The following GABRG3 variants were observed in gnomAD, a reference collection of about 807,000 sequenced individuals.
GABRG3 encodes gamma-aminobutyric acid receptor subunit gamma-3.
A neutral mutation model predicts 48.8 loss-of-function variants in GABRG3; 25 were observed. The ratio of observed to expected loss-of-function variants is 0.51; its 90% confidence interval spans 0.37 to 0.72. The LOEUF is 0.72. Among genes scored for constraint, GABRG3 ranks in the 30% least tolerant of loss-of-function variants. The pLI is 0.00. For synonymous variants in GABRG3, 227 were observed against 217.6 expected (o/e 1.04, Z -0.38); for missense variants, 394 against 577.9 (o/e 0.68, Z 3.26).
intron 5 of GABRG3, among the ~76,000 whole-genome samples, chr15:27,467,003 C>T (rs1889632832): frequency 1.3e-5 from 2 of 152,164 alleles, no homozygotes; most frequent in South Asian, 2.1e-4. Flanking sequence ...CACTGCTGTG[C>T]ATTTAATATA....
intron 3 of GABRG3, among the ~76,000 whole-genome samples, chr15:27,067,594 G>T (rs1896759134): frequency 6.6e-6 from 1 of 152,192 alleles, no homozygotes; most frequent in Non-Finnish European, 1.5e-5. Flanking sequence ...GCTGCCTCCA[G>T]CTGAGACCGC....
intron 3 of GABRG3, among the ~76,000 whole-genome samples, chr15:27,186,691 A>C (rs1188212195): frequency 6.6e-6 from 1 of 152,102 alleles, no homozygotes; most frequent in Non-Finnish European, 1.5e-5. Flanking sequence ...GTTTTAACAA[A>C]AGCCATTCTG....
rs140670 is a variant in GABRG3, at chr15:26,976,868, T to A, written c.54-134T>A. The stretch of plus-strand genomic sequence containing the variant: ...TTCTTTTTAGAAAATATTTTCGGGT[T>A]TTCACGTGTGTGGTTGGGCTGTGGG... On this transcript the variant is annotated intron_variant, in intron 1 of 9. Transcript: ENST00000615808. This position sits in a 1 kb window ranked among gnomAD's most constrained non-coding sequence, Gnocchi z 7.8. 99,884 of 775,058 alleles carry A rather than the reference T, an allele frequency of 0.13. 7,701 individuals carry two copies. The highest frequency in any genetic ancestry group is 0.31 in the East Asian group (11,690 of 37,772). The allele number at this position is 775,058 out of a possible 1,614,324, so 48.0% of individuals were successfully genotyped here.
intron 5 of GABRG3, among the ~76,000 whole-genome samples, chr15:27,346,088 AAG>A (rs1296479804): frequency 0.041 from 1,641 of 39,734 alleles, 199 homozygotes; most frequent in African/African-American, 0.12. Context: ...AAGAGAGAGA[AAG>A]AAAGAAAGGA....
chr15:27,423,820 G>C (rs1888208133), intron 5 of GABRG3, among the ~76,000 whole-genome samples: 1 of 141,650 alleles, frequency 7.1e-6, no homozygotes, highest in Admixed American at 7.6e-5. Flanking sequence ...CTCCCACCTG[G>C]TCCCCCAAAG....
chr15:27,041,912 G>A (rs1013201146), intron 3 of GABRG3, among the ~76,000 whole-genome samples: 1 of 152,172 alleles, frequency 6.6e-6, no homozygotes, highest in African/African-American at 2.4e-5. Flanking sequence ...TGGTACTTGA[G>A]GTGGGGGATG....
intron 3 of GABRG3, among the ~76,000 whole-genome samples, chr15:27,317,091 C>A (rs904878571): frequency 6.6e-6 from 1 of 151,816 alleles, no homozygotes; most frequent in Admixed American, 6.6e-5. Flanking sequence ...CCTTTGGACC[C>A]CCTCACCATC....
At chr15:26,987,381 T>G (rs2116526) in intron 2 of GABRG3, among the ~76,000 whole-genome samples, 70,909 of 152,120 alleles carry the variant, frequency 0.47, 17,315 homozygotes, top group Middle Eastern at 0.59. Context: ...TCAGTTCAGC[T>G]GTCTGCATTT....
intron 2 of GABRG3, among the ~76,000 whole-genome samples, chr15:26,999,865 C>CT (rs1422404658): frequency 1.3e-5 from 2 of 151,852 alleles, no homozygotes; most frequent in Non-Finnish European, 2.9e-5. Context: ...GTTCACTATT[C>CT]TTTTCTACTG....
chr15:27,501,058 T>C (rs1484751100), intron 6 of GABRG3, among the ~76,000 whole-genome samples: 1 of 149,910 alleles, frequency 6.7e-6, no homozygotes, highest in Non-Finnish European at 1.5e-5. Flanking sequence ...TTCACACCAT[T>C]CTCCTGCCTC....
chr15:27,028,941 G>A (rs1272406722), intron 3 of GABRG3, among the ~76,000 whole-genome samples: 2 of 152,128 alleles, frequency 1.3e-5, no homozygotes, highest in Non-Finnish European at 2.9e-5. Flanking sequence ...TTCCCTGTGG[G>A]GTGAGAAACG....
intron 5 of GABRG3, among the ~76,000 whole-genome samples, chr15:27,341,531 T>C (rs1483804428): frequency 6.6e-6 from 1 of 152,104 alleles, no homozygotes; most frequent in Non-Finnish European, 1.5e-5. Flanking sequence ...CAGCCCATCA[T>C]CCCGTTTCAT....
intron 3 of GABRG3, among the ~76,000 whole-genome samples, chr15:27,144,721 A>G (rs1379920267): frequency 6.6e-6 from 1 of 152,226 alleles, no homozygotes; most frequent in East Asian, 1.9e-4. Flanking sequence ...AAAATACCTA[A>G]GAAGGCCCTG....
At chr15:27,272,297 A>G (rs937569369) in intron 3 of GABRG3, among the ~76,000 whole-genome samples, 1 of 152,230 alleles carries the variant, frequency 6.6e-6, no homozygotes, top group African/African-American at 2.4e-5. Context: ...TTGGGCACCC[A>G]GAGTATTTAG....
intron 5 of GABRG3, among the ~76,000 whole-genome samples, chr15:27,394,575 C>T (rs1831653403): frequency 6.6e-6 from 1 of 152,164 alleles, no homozygotes; most frequent in African/African-American, 2.4e-5. Flanking sequence ...TCTGATTACT[C>T]TGTCTATCCA....
chr15:27,212,022 T>C (rs1889096796), intron 3 of GABRG3, among the ~76,000 whole-genome samples: 1 of 152,176 alleles, frequency 6.6e-6, no homozygotes, highest in African/African-American at 2.4e-5. Context: ...ATCCCTTCAG[T>C]GTTGGCTCTG....
At position 27,180,701 on chromosome 15, in the gene GABRG3, T is replaced by C. The variant is rs937054722; in HGVS notation, c.271-146108T>C. Among the ~76,000 whole-genome samples, 1 of 152,154 alleles carries C rather than the reference T, an allele frequency of 6.6e-6. No individual in the cohort carries two copies. The highest frequency in any genetic ancestry group is 1.5e-5 in the Non-Finnish European group (1 of 68,026). On this transcript the variant is annotated intron_variant, in intron 3 of 9. Coordinates refer to ENST00000615808, the MANE Select transcript of GABRG3 (RefSeq NM_033223.5). The surrounding 1 kb of genome is among the most constrained non-coding windows in gnomAD (Gnocchi z 4.2). ...CACCCCAGGTCAGTTCTAGCAATAA[T>C]TGAAAAACAGAAACCTATTTTCTTT...
At chr15:27,515,676 A>G (rs1891002136) in intron 6 of GABRG3, among the ~76,000 whole-genome samples, 1 of 152,200 alleles carries the variant, frequency 6.6e-6, no homozygotes, top group African/African-American at 2.4e-5. Flanking sequence ...GGAGACTCAA[A>G]GGATGTTTTT....
At chr15:27,075,707 G>C (rs1481825964) in intron 3 of GABRG3, among the ~76,000 whole-genome samples, 1 of 152,168 alleles carries the variant, frequency 6.6e-6, no homozygotes, top group African/African-American at 2.4e-5. Context: ...TATGAGCTTT[G>C]CACTTCAGAG....
Sources: gnomAD v4.1 joint callset for allele counts (sites outside exome capture counted in the v4.1 genomes callset) on GRCh38, gnomAD v4.1.1 for gene constraint, Gnocchi (gnomAD v3.1) non-coding constraint, MANE v1.5 for transcripts, NCBI Gene and HGNC (gene_info 2026-07-23, HGNC 2026-07-21) for gene names.